The following GREB1L variants were observed in gnomAD, a reference collection of about 807,000 sequenced individuals.
GREB1L encodes GREB1 like retinoic acid receptor coactivator, also known as GREB1-like protein.
GREB1L carries 17 observed loss-of-function variants against 200.8 expected under a neutral mutation model. That is an observed-to-expected ratio of 0.08 (90% confidence interval 0.06 to 0.13). The LOEUF is 0.13. GREB1L is among the 10% of genes least tolerant of loss of function. The pLI is 1.00. For missense variants in GREB1L, 1,657 were observed against 2,367.7 expected (o/e 0.70, Z 6.23); for synonymous variants, 789 against 893.0 (o/e 0.88, Z 2.08).
chr18:21,514,100 C>T lies in GREB1L; in HGVS notation c.4901+114C>T, dbSNP rs185918150. On this transcript the variant is annotated intron_variant, in intron 28 of 32. Transcript: ENST00000424526. Reference sequence around the variant, plus strand: ...AGAGAGACAGCTTTCCAGAGCAAAACAGTCAACCATGAGACCACCCTCACT... The same window carrying T: ...AGAGAGACAGCTTTCCAGAGCAAAATAGTCAACCATGAGACCACCCTCACT... The T allele has an allele frequency of 7.5e-5, 79 of 1,050,600 alleles. No individual in the cohort carries two copies. In the African/African-American group the frequency reaches 1.1e-3, roughly 15 times the overall value. 65.1% of individuals were successfully genotyped at this position (1,050,600 alleles called of 1,614,324 possible).
chr18:21,394,013 G>T (rs982090480), intron 4 of GREB1L, among the ~76,000 whole-genome samples: 1 of 152,180 alleles, frequency 6.6e-6, no homozygotes, highest in African/African-American at 2.4e-5. Context: ...CAGATACAGC[G>T]GGCTGAGGGA....
At chr18:21,406,488 A>C (rs551394438) in intron 7 of GREB1L, among the ~76,000 whole-genome samples, 2 of 152,366 alleles carry the variant, frequency 1.3e-5, no homozygotes, top group African/African-American at 4.8e-5. Flanking sequence ...TGTATCTAAA[A>C]TTTTTGTGTT....
chr18:21,498,502 C>T (rs1369822270), intron 21 of GREB1L, among the ~76,000 whole-genome samples: 5 of 152,178 alleles, frequency 3.3e-5, no homozygotes, highest in Admixed American at 6.5e-5. Flanking sequence ...CACCTGGAAG[C>T]TTTTGGATAC....
At chr18:21,399,515 A>AGATG (rs1408686083) in intron 5 of GREB1L, among the ~76,000 whole-genome samples, 1 of 150,336 alleles carries the variant, frequency 6.7e-6, no homozygotes, top group Non-Finnish European at 1.5e-5. Context: ...GTGGGTGGAT[A>AGATG]GATGGATGGA....
intron 7 of GREB1L, among the ~76,000 whole-genome samples, chr18:21,427,844 C>T (rs555444956): frequency 1.3e-5 from 2 of 152,146 alleles, no homozygotes; most frequent in Non-Finnish European, 2.9e-5. Flanking sequence ...TATTTTCCTT[C>T]CTAATTACCC....
intron 17 of GREB1L, among the ~76,000 whole-genome samples, chr18:21,481,012 A>G (rs1347790934): frequency 1.3e-5 from 2 of 152,092 alleles, no homozygotes; most frequent in Admixed American, 6.6e-5. Context: ...AGATTAAAAA[A>G]AAAGAAAGAA....
At chr18:21,484,543 G>A (rs1435333204) in intron 17 of GREB1L, among the ~76,000 whole-genome samples, 3 of 152,160 alleles carry the variant, frequency 2.0e-5, no homozygotes, top group Non-Finnish European at 4.4e-5. Flanking sequence ...TGGGCCAGGC[G>A]CAGTAGCTTA....
Position 21,398,971 on chromosome 18 carries a change from A to G in GREB1L, c.533-2179A>G, listed in dbSNP as rs373927766. ...TGCTGAAGCCATACAGGGTTTTTAA[A>G]ATGGACTGTAGGATTCTAACTCTTT... On this transcript the variant is annotated intron_variant, in intron 5 of 32. Coordinates refer to ENST00000424526, the MANE Select transcript of GREB1L (RefSeq NM_001142966.3). Among the ~76,000 whole-genome samples, 69 of 152,296 alleles carry G rather than the reference A, an allele frequency of 4.5e-4. 2 individuals carry two copies. In the South Asian group the frequency reaches 0.014, roughly 31 times the overall value.
chr18:21,259,744 G>T (rs769938231), intron 1 of GREB1L, among the ~76,000 whole-genome samples: 13 of 151,948 alleles, frequency 8.6e-5, no homozygotes, highest in Admixed American at 2.6e-4. Flanking sequence ...GGCATCGAAC[G>T]TATTATAAAA....
Position 21,346,004 on chromosome 18 carries a change from C to T in GREB1L, c.-119-20023C>T, listed in dbSNP as rs148698272. The stretch of plus-strand genomic sequence containing the variant: ...ATTTAGATCATTTCTGACTCACTCA[C>T]TTCTGTATCTGCCAGTCCTGACACA... On this transcript the variant is annotated intron_variant, in intron 1 of 32. Coordinates refer to ENST00000424526, the MANE Select transcript of GREB1L (RefSeq NM_001142966.3). Among the ~76,000 whole-genome samples the T allele has an allele frequency of 4.0e-3, 607 of 152,228 alleles. 6 individuals are homozygous for T. The highest frequency in any genetic ancestry group is 5.6e-3 in the Non-Finnish European group (382 of 68,010).
At chr18:21,268,558 C>CATATAT (rs1244082888) in intron 1 of GREB1L, among the ~76,000 whole-genome samples, 15 of 86,664 alleles carry the variant, frequency 1.7e-4, no homozygotes, top group African/African-American at 3.2e-4. Context: ...CACACACACA[C>CATATAT]ACATATATAT....
At position 21,471,795 on chromosome 18, in the gene GREB1L, A is replaced by G. The variant is rs2035495479; in HGVS notation, c.2183-1236A>G. On this transcript the variant is annotated intron_variant, in intron 15 of 32. Transcript: ENST00000424526. ...GCCACCACACCCAGCTAATGTTTGT[A>G]TTTTTTATAGAGATAAGGTCTCACT... Among the ~76,000 whole-genome samples, 3 of 151,446 alleles carry G rather than the reference A, an allele frequency of 2.0e-5. No individual in the cohort carries two copies. In the South Asian group the frequency reaches 6.3e-4, roughly 32 times the overall value.
chr18:21,283,218 G>A lies in GREB1L; in HGVS notation c.-120+40825G>A, dbSNP rs140244903. On this transcript the variant is annotated intron_variant, in intron 1 of 32. Coordinates refer to ENST00000424526, the MANE Select transcript of GREB1L (RefSeq NM_001142966.3). ...TAGGGAACCTATCAGTTATTTGTTGGTAATACCTGTTAAATTGTTCTACAT... is the reference window on the plus strand; with the variant it reads ...TAGGGAACCTATCAGTTATTTGTTGATAATACCTGTTAAATTGTTCTACAT... Among the ~76,000 whole-genome samples, 535 of 152,108 alleles carry A rather than the reference G, an allele frequency of 3.5e-3. 2 individuals carry two copies. Among genetic ancestry groups the A allele is most frequent in the South Asian group, 7.5e-3 (36 of 4,816 alleles).
intron 7 of GREB1L, among the ~76,000 whole-genome samples, chr18:21,427,111 T>TA (rs2032676702): frequency 6.6e-6 from 1 of 152,210 alleles, no homozygotes; most frequent in African/African-American, 2.4e-5. Context: ...TCTGAATCTT[T>TA]ACAATAGTTT....
intron 7 of GREB1L, among the ~76,000 whole-genome samples, chr18:21,428,131 A>C (rs2145007033): frequency 7.2e-6 from 1 of 138,216 alleles, no homozygotes; most frequent in East Asian, 2.3e-4. Context: ...CGGAGCTTGC[A>C]GTGAGCCGAG....
At chr18:21,449,881 A>G in intron 12 of GREB1L, 45 bp downstream of exon 12, 3 of 1,367,542 alleles carry the variant, frequency 2.2e-6, no homozygotes, top group Non-Finnish European at 2.9e-6. Context: ...AATTCATTCG[A>G]CCATTTTTCC....
intron 2 of GREB1L, among the ~76,000 whole-genome samples, chr18:21,369,507 T>C (rs1440614505): frequency 6.6e-6 from 1 of 152,222 alleles, no homozygotes; most frequent in Non-Finnish European, 1.5e-5. Flanking sequence ...AGATTTCCAG[T>C]GGTAACGTGT....
In GREB1L at chr18:21,378,019, G is replaced by T. The variant is rs560179204; in HGVS notation, c.-9-5491G>T. On this transcript the variant is annotated intron_variant, in intron 2 of 32. Coordinates refer to ENST00000424526, the MANE Select transcript of GREB1L (RefSeq NM_001142966.3). ...TGAGATTACAGGTACAAGCCACCAT[G>T]CCTGTCCAGAAGTTGCCTTTCTTTT... Among the ~76,000 whole-genome samples the T allele has an allele frequency of 4.5e-4, 68 of 152,328 alleles. 2 individuals are homozygous for T. In the South Asian group the frequency reaches 0.012, roughly 27 times the overall value.
intron 5 of GREB1L, 130 bp from the exon 6 acceptor site, chr18:21,401,017 TCCC>T: frequency 4.3e-6 from 3 of 690,264 alleles, no homozygotes; most frequent in Admixed American, 2.9e-5. Context: ...CTGGTTTTTT[TCCC>T]TCTGAATTAT....
Sources: gnomAD v4.1 joint callset for allele counts (sites outside exome capture counted in the v4.1 genomes callset) on GRCh38, gnomAD v4.1.1 for gene constraint, MANE v1.5 for transcripts, NCBI Gene and HGNC (gene_info 2026-07-23, HGNC 2026-07-21) for gene names.